Variants in USP28 observed in about 807,000 individuals in gnomAD.
USP28 encodes ubiquitin carboxyl-terminal hydrolase 28.
Under a neutral mutation model 145.0 loss-of-function variants are expected in USP28, and 113 were observed. The ratio of observed to expected loss-of-function variants is 0.78; its 90% CI spans 0.67 to 0.91. The LOEUF (loss-of-function observed/expected upper bound fraction) is 0.91. Ranked by LOEUF, USP28 falls within the 40% of genes least tolerant of loss-of-function variation. USP28 has a pLI of 0.00. For synonymous variants in USP28, 447 were observed against 450.9 expected (o/e 0.99, Z 0.11); for missense variants, 1,201 against 1,289.6 (o/e 0.93, Z 1.05).
rs111434776 is a variant in USP28 at position 113,803,071 on chromosome 11, T to C, written c.2862+87A>G. The C allele has an allele frequency of 1.9e-3, 2,583 of 1,384,110 alleles. 44 individuals are homozygous for C. The African/African-American group carries it at 0.035, about 19-fold the overall frequency. The allele number at this position is 1,384,110 out of a possible 1,614,324, so 85.7% of individuals were successfully genotyped here. ...GAAATCTACAACCTGTTGGAGATAG[T>C]CTGTTTTGAAAGCCATATATTTTCC... On this transcript the variant is annotated intron_variant, in intron 23 of 24. Coordinates refer to ENST00000003302, the Ensembl canonical transcript of USP28.
chr11:113,801,599 T>G, exon 24 of USP28: 1 of 1,610,988 alleles, frequency 6.2e-7, no homozygotes, highest in Non-Finnish European at 8.5e-7. Flanking sequence ...GATGATCAGT[T>G]CATTCATCAC....
Position 113,816,762 on chromosome 11 carries a change from T to TTACACTTTTTA in USP28, c.1463+895_1463+896insTAAAAAGTGTA, listed in dbSNP as rs532691174. 2.0e-3 allele frequency among the ~76,000 whole-genome samples: 305 copies of TTACACTTTTTA among 152,306 alleles called. 6 individuals carry two copies. Among genetic ancestry groups the TTACACTTTTTA allele is most frequent in the Non-Finnish European group, 1.8e-3 (121 of 68,028 alleles). On this transcript the variant is annotated intron_variant, in intron 13 of 24. Transcript: ENST00000003302. ...GCCTGCCGAACCACTTTTTAAAAAT[T>TTACACTTTTTA]AAAACTTTACATTTCATAATATACA...
At chr11:113,801,727 A>G (rs1565315656) in intron 23 of USP28, 49 bp from the exon 25 acceptor site, 3 of 1,453,530 alleles carry the variant, frequency 2.1e-6, no homozygotes, top group Non-Finnish European at 1.9e-6. Flanking sequence ...AAAAAGATAA[A>G]TATCTCTTTA....
intron 24 of USP28, among the ~76,000 whole-genome samples, chr11:113,800,841 AT>A (rs537961894): frequency 3.8e-3 from 508 of 134,318 alleles, no homozygotes; most frequent in Middle Eastern, 8.0e-3. Context: ...ACTCTGCATG[AT>A]TTTTTTTTTT....
chr11:113,831,468 G>C (rs17116057), intron 8 of USP28, among the ~76,000 whole-genome samples: 5,404 of 152,214 alleles, frequency 0.036, 440 homozygotes, highest in East Asian at 0.3. Context: ...TTAAAACACA[G>C]ATTTCTCAGA....
rs572705786 is a variant in USP28, at chr11:113,828,699, T to A, written c.1059+498A>T. 1.9e-5 allele frequency: 6 copies of A among 311,600 alleles called. No homozygotes were observed. The East Asian group carries it at 4.3e-4, about 22-fold the overall frequency. 19.3% of individuals were successfully genotyped at this position (311,600 alleles called of 1,614,324 possible). A position where few individuals can be genotyped will look rare whatever the true frequency, so the allele number is the denominator to read the frequency against. ...TAACTACCCATGCTCTCCCTTTAAC[T>A]TCCCCCGTCTTTCCAACCCAGAAAA... On this transcript the variant is annotated intron_variant, in intron 10 of 24. Transcript: ENST00000003302.
At chr11:113,807,873 A>G (rs1157550918) in intron 18 of USP28, 78 bp downstream of exon 19, 43 of 915,056 alleles carry the variant, frequency 4.7e-5, no homozygotes, top group Non-Finnish European at 5.2e-5. Context: ...AGCTATTGGC[A>G]GATACCTTAA....
intron 1 of USP28, among the ~76,000 whole-genome samples, chr11:113,856,652 G>A (rs1207606183): frequency 6.6e-6 from 1 of 152,080 alleles, no homozygotes; most frequent in Non-Finnish European, 1.5e-5. Flanking sequence ...AGATAGGCAA[G>A]AATACCTATC....
At chr11:113,840,855 A>C in intron 4 of USP28, 98 bp from the exon 5 acceptor site, 11 of 1,409,240 alleles carry the variant, frequency 7.8e-6, no homozygotes, top group Non-Finnish European at 1.0e-5. Flanking sequence ...AATTCAAAAC[A>C]CCAGAAAAAG....
At chr11:113,832,032 A>ATTTG in intron 7 of USP28, 39 bp from the exon 8 acceptor site, 1 of 1,527,784 alleles carries the variant, frequency 6.5e-7, no homozygotes, top group Non-Finnish European at 9.0e-7. Flanking sequence ...GTTAGATGCA[A>ATTTG]TACTAAGAGA....
chr11:113,810,322 G>A (rs993128284), intron 16 of USP28, among the ~76,000 whole-genome samples: 1 of 152,102 alleles, frequency 6.6e-6, no homozygotes, highest in African/African-American at 2.4e-5. Context: ...TTAATGGCAA[G>A]GATATCAATG....
At chr11:113,829,824 C>CAAA (rs5794883) in intron 9 of USP28, among the ~76,000 whole-genome samples, 11 of 104,646 alleles carry the variant, frequency 1.1e-4, no homozygotes, top group East Asian at 2.9e-4. Flanking sequence ...GGACTTGTCT[C>CAAA]AAAAAAAAAA....
In USP28 at chr11:113,829,282, T is replaced by C. The variant is rs142782591; in HGVS notation, c.974A>G (p.Asn325Ser). 1.3e-4 allele frequency: 215 copies of C among 1,614,034 alleles called. No individual in the cohort carries two copies. The African/African-American group carries it at 2.6e-3, about 19-fold the overall frequency. The change falls in exon 10 of 25, where the codon AAC becomes AGC. Residue 325 changes from asparagine to serine, a missense_variant. Coordinates refer to ENST00000003302, the Ensembl canonical transcript of USP28. ...GGCCCCTTCCAAACACTCGTCTAAG[T>C]TGCGATAACCGTTTACCTGAAGAGG...
At chr11:113,873,419 C>T (rs1344784596) in intron 1 of USP28, among the ~76,000 whole-genome samples, 2 of 152,188 alleles carry the variant, frequency 1.3e-5, no homozygotes, top group Non-Finnish European at 2.9e-5. Flanking sequence ...CACTGGAGTT[C>T]CAAGCCTTCC....
At chr11:113,811,483 T>C (rs970851558) in intron 16 of USP28, among the ~76,000 whole-genome samples, 22 of 151,120 alleles carry the variant, frequency 1.5e-4, no homozygotes, top group Non-Finnish European at 2.7e-4. Context: ...AGGTGAGGAG[T>C]TCAAAAACAC....
chr11:113,838,495 C>T (rs1428060130), intron 5 of USP28, among the ~76,000 whole-genome samples: 1 of 152,220 alleles, frequency 6.6e-6, no homozygotes, highest in Non-Finnish European at 1.5e-5. Context: ...TTCTGGATCA[C>T]TCCGTCTTAG....
At position 113,808,283 on chromosome 11, in the gene USP28, C is replaced by G. The variant is rs1940368083; in HGVS notation, c.2304+15G>C. ...GCCCGGCTCTCCTGAACTTGGGCTTCCCAGTCATTCTCACCTCACTCAGTG... is the reference window on the plus strand; with the variant it reads ...GCCCGGCTCTCCTGAACTTGGGCTTGCCAGTCATTCTCACCTCACTCAGTG... On this transcript the variant is annotated intron_variant, in intron 18 of 24. Transcript: ENST00000003302. 1 of 1,606,954 alleles carries G rather than the reference C, an allele frequency of 6.2e-7. No homozygotes were observed. The highest frequency in any genetic ancestry group is 1.7e-5 in the Admixed American group (1 of 59,734).
At chr11:113,836,157 T>C (rs17116063) in intron 5 of USP28, among the ~76,000 whole-genome samples, 4,202 of 152,278 alleles carry the variant, frequency 0.028, 215 homozygotes, top group African/African-American at 0.097. Flanking sequence ...ATTTATTCCT[T>C]ACCCAACCGC....
intron 1 of USP28, among the ~76,000 whole-genome samples, chr11:113,875,132 C>T (rs1201239293): frequency 6.6e-6 from 1 of 152,208 alleles, no homozygotes; most frequent in Non-Finnish European, 1.5e-5. Context: ...CCGGACGGGG[C>T]CCAGGAGGGC....
Sources: gnomAD v4.1 joint callset for allele counts (sites outside exome capture counted in the v4.1 genomes callset) on GRCh38, gnomAD v4.1.1 for gene constraint, MANE v1.5 for transcripts, NCBI Gene and HGNC (gene_info 2026-07-23, HGNC 2026-07-21) for gene names.